ROBO2: variants seen among roughly 807,000 people sequenced by gnomAD.
The protein encoded by ROBO2 is roundabout guidance receptor 2.
ROBO2 carries 53 observed loss-of-function variants against 160.8 expected under a neutral mutation model. That is an observed-to-expected ratio of 0.33 (90% CI 0.26 to 0.41). The LOEUF (loss-of-function observed/expected upper bound fraction) is 0.41, where lower values mean the gene tolerates loss of function less well. Among genes scored for constraint, ROBO2 ranks in the 10% least tolerant of loss-of-function variants. ROBO2 has a pLI of 1.00. For synonymous variants in ROBO2, 664 were observed against 611.7 expected (o/e 1.09, Z -1.26); for missense variants, 1,577 against 1,722.4 (o/e 0.92, Z 1.49).
rs140876093 is a variant in ROBO2, at chr3:77,067,324, G to T, written c.61+26478G>T. On this transcript the variant is annotated intron_variant, in intron 1 of 25. Transcript: ENST00000461745. Reference sequence around the variant, plus strand: ...AGTTTAAAACTCAACACTCAGTTTTGCTTATTCCCAAACTTTGTATTTACT... The same window carrying T: ...AGTTTAAAACTCAACACTCAGTTTTTCTTATTCCCAAACTTTGTATTTACT... Among the ~76,000 whole-genome samples the T allele has an allele frequency of 6.8e-3, 1,028 of 152,182 alleles. 10 individuals are homozygous for T. The highest frequency in any genetic ancestry group is 0.018 in the South Asian group (86 of 4,810).
At chr3:76,372,770 C>G (rs2076167316) in intron 2 of ROBO2, among the ~76,000 whole-genome samples, 1 of 151,810 alleles carries the variant, frequency 6.6e-6, no homozygotes, top group Non-Finnish European at 1.5e-5. Flanking sequence ...GACAAGGAAG[C>G]CTTTGCTTCT....
intron 5 of ROBO2, among the ~76,000 whole-genome samples, chr3:77,508,258 C>T (rs1439741798): frequency 6.7e-6 from 1 of 149,236 alleles, no homozygotes; most frequent in African/African-American, 2.4e-5. Context: ...ATTTGAATCT[C>T]TAATCTTTAA....
chr3:76,621,963 T>C (rs2089121992), intron 2 of ROBO2, among the ~76,000 whole-genome samples: 1 of 151,364 alleles, frequency 6.6e-6, no homozygotes. Flanking sequence ...TTGTTTGGGT[T>C]TGACCTCTCC....
At chr3:76,678,402 G>A (rs1575901447) in intron 2 of ROBO2, among the ~76,000 whole-genome samples, 2 of 152,004 alleles carry the variant, frequency 1.3e-5, no homozygotes, top group East Asian at 1.9e-4. Context: ...TGAGATTTGC[G>A]CTGGTCCAAG....
chr3:76,622,876 A>G (rs571624611), intron 2 of ROBO2, among the ~76,000 whole-genome samples: 14 of 152,282 alleles, frequency 9.2e-5, no homozygotes, highest in African/African-American at 3.4e-4. Flanking sequence ...AGAAAATCCT[A>G]CCATTGAATC....
intron 2 of ROBO2, among the ~76,000 whole-genome samples, chr3:76,317,133 A>G (rs1051118426): frequency 3.3e-5 from 5 of 152,228 alleles, no homozygotes; most frequent in African/African-American, 1.2e-4. Context: ...AGTAATTTCA[A>G]GAGAAATTTT....
At chr3:75,964,351 A>G (rs974042282) in intron 2 of ROBO2, among the ~76,000 whole-genome samples, 3 of 151,742 alleles carry the variant, frequency 2.0e-5, no homozygotes, top group Non-Finnish European at 4.4e-5. Flanking sequence ...TAAAGCTTTT[A>G]TATAGTTCCT....
intron 2 of ROBO2, among the ~76,000 whole-genome samples, chr3:76,770,386 C>T (rs2061819290): frequency 6.6e-6 from 1 of 151,184 alleles, no homozygotes; most frequent in Admixed American, 6.6e-5. Flanking sequence ...ATAGTGGTGC[C>T]CTTTTTTTCT....
intron 1 of ROBO2, among the ~76,000 whole-genome samples, chr3:77,093,744 T>C (rs908396087): frequency 5.3e-5 from 8 of 152,334 alleles, no homozygotes; most frequent in East Asian, 1.9e-4. Flanking sequence ...TATCTATGTC[T>C]ATCTTTCTAA....
At chr3:77,196,376 C>G (rs1214285988) in intron 2 of ROBO2, among the ~76,000 whole-genome samples, 1 of 145,932 alleles carries the variant, frequency 6.9e-6, no homozygotes. Flanking sequence ...ACAGAGAATT[C>G]GCAAACCCAG....
chr3:75,938,586 C>T (rs1008506336), intron 2 of ROBO2, among the ~76,000 whole-genome samples: 21 of 151,898 alleles, frequency 1.4e-4, no homozygotes, highest in African/African-American at 5.1e-4. Context: ...TGAAAGTGTG[C>T]AGTGTTATTA....
chr3:76,578,476 A>G (rs774439706), intron 2 of ROBO2, among the ~76,000 whole-genome samples: 10 of 151,954 alleles, frequency 6.6e-5, no homozygotes, highest in Non-Finnish European at 1.0e-4. Flanking sequence ...CTACTCTACT[A>G]AACTGTTCTT....
chr3:76,146,889 AACACACACACACAT>A (rs2071926926), intron 2 of ROBO2, among the ~76,000 whole-genome samples: 1 of 148,344 alleles, frequency 6.7e-6, no homozygotes, highest in African/African-American at 2.5e-5. Context: ...CACACACACA[AACACACACACACAT>A]ACACACACAC....
In ROBO2 at chr3:76,031,277, G is replaced by T. The variant is rs548830461; in HGVS notation, c.109+93675G>T. On this transcript the variant is annotated intron_variant, in intron 2 of 26. Transcript: ENST00000487694. ...GGAGATTTTGGGCTGAGATGATGGG[G>T]TTTTCTAAATATAAATCATGTCATA... Among the ~76,000 whole-genome samples the T allele has an allele frequency of 8.7e-4, 132 of 152,254 alleles. 1 individual carries two copies. The highest frequency in any genetic ancestry group is 3.0e-3 in the African/African-American group (125 of 41,538).
intron 2 of ROBO2, among the ~76,000 whole-genome samples, chr3:77,320,522 C>A (rs1221512525): frequency 6.6e-6 from 1 of 151,346 alleles, no homozygotes; most frequent in Non-Finnish European, 1.5e-5. Flanking sequence ...TTGCAGTTGC[C>A]AGTTATATGG....
chr3:77,480,265 C>G (rs1187262535), intron 3 of ROBO2, among the ~76,000 whole-genome samples: 1 of 149,140 alleles, frequency 6.7e-6, no homozygotes, highest in Non-Finnish European at 1.5e-5. Context: ...CAAGAACACT[C>G]AATCATTGTA....
At chr3:77,250,555 T>C (rs1391302252) in intron 2 of ROBO2, among the ~76,000 whole-genome samples, 4 of 152,174 alleles carry the variant, frequency 2.6e-5, no homozygotes, top group African/African-American at 9.7e-5. Flanking sequence ...GCAGACACGG[T>C]CTTTTTTTCC....
At chr3:76,700,016 C>CA (rs957321344) in intron 2 of ROBO2, among the ~76,000 whole-genome samples, 19 of 151,558 alleles carry the variant, frequency 1.3e-4, no homozygotes, top group East Asian at 7.8e-4. Flanking sequence ...AGAAAAATAG[C>CA]AAAAAAAACC....
intron 2 of ROBO2, among the ~76,000 whole-genome samples, chr3:76,669,375 TA>T (rs1477482913): frequency 6.6e-6 from 1 of 152,146 alleles, no homozygotes; most frequent in Non-Finnish European, 1.5e-5. Flanking sequence ...TCTTAGCTTG[TA>T]AAATAGTCTC....
Sources: gnomAD v4.1 joint callset for allele counts (sites outside exome capture counted in the v4.1 genomes callset) on GRCh38, gnomAD v4.1.1 for gene constraint, MANE v1.5 for transcripts, NCBI Gene and HGNC (gene_info 2026-07-23, HGNC 2026-07-21) for gene names.